The following TMCO5A variants were observed in gnomAD, a reference collection of about 807,000 sequenced individuals.
TMCO5A encodes the protein transmembrane and coiled-coil domains 5A.
In TMCO5A, 34 loss-of-function variants were observed where a neutral mutation model predicts 42.3. The ratio of observed to expected loss-of-function variants is 0.80; its 90% CI spans 0.61 to 1.07. The LOEUF is 1.07. Among genes scored for constraint, TMCO5A ranks in the 50% least tolerant of loss-of-function variants. The pLI is 0.00. For missense variants in TMCO5A, 357 were observed against 327.9 expected, an observed-to-expected ratio of 1.09 and a Z score of -0.69; for synonymous variants, 131 against 115.6, an observed-to-expected ratio of 1.13 and a Z score of -0.86.
chr15:38,022,255 GATGGCTTTCAGTAGGTAA>G, the TMCO5A span, among the ~76,000 whole-genome samples: 1 of 152,142 alleles, frequency 6.6e-6, no homozygotes, highest in South Asian at 2.1e-4. Context: ...AAGCAACCAA[GATGGCTTTCAGTAGGTAA>G]ATGGATAAAC....
At chr15:37,952,984 G>A (rs1238872531), downstream of TMCO5A, among the ~76,000 whole-genome samples, 4 of 152,186 alleles carry the variant, frequency 2.6e-5, no homozygotes, top group East Asian at 7.7e-4. Context: ...TCTGCTTTTG[G>A]AAAGGGGAGG....
the TMCO5A span, among the ~76,000 whole-genome samples, chr15:38,032,318 C>A: frequency 6.6e-6 from 1 of 152,176 alleles, no homozygotes; most frequent in African/African-American, 2.4e-5. Context: ...ATCTGCCCCA[C>A]CAGATCAGGT....
chr15:37,938,269 T>A, intron 6 of TMCO5A, 40 bp downstream of exon 6: 1 of 1,485,870 alleles, frequency 6.7e-7, no homozygotes, highest in Non-Finnish European at 9.1e-7. Context: ...TTGGGCTATG[T>A]AACCAGGAAA....
chr15:37,953,058 T>C (rs1401526241), downstream of TMCO5A, among the ~76,000 whole-genome samples: 1 of 152,122 alleles, frequency 6.6e-6, no homozygotes, highest in Non-Finnish European at 1.5e-5. Flanking sequence ...CAGTACAATA[T>C]CAGATGGACT....
chr15:37,995,845 C>A, the TMCO5A span, among the ~76,000 whole-genome samples: 200 of 141,054 alleles, frequency 1.4e-3, 1 homozygote, highest in African/African-American at 5.0e-3. Context: ...CAATCCCCTC[C>A]AAAAAAAAAA....
At chr15:38,037,268 G>T in the TMCO5A span, among the ~76,000 whole-genome samples, 1 of 152,156 alleles carries the variant, frequency 6.6e-6, no homozygotes, top group Non-Finnish European at 1.5e-5. Flanking sequence ...CTTAGAATCA[G>T]CTCTATGTTG....
At chr15:38,021,331 T>C in the TMCO5A span, among the ~76,000 whole-genome samples, 2 of 152,170 alleles carry the variant, frequency 1.3e-5, no homozygotes, top group African/African-American at 4.8e-5. Flanking sequence ...AAAAGAAGCT[T>C]ATTTTCATTT....
chr15:38,031,373 C>T, the TMCO5A span, among the ~76,000 whole-genome samples: 1,682 of 152,188 alleles, frequency 0.011, 18 homozygotes, highest in African/African-American at 0.032. Flanking sequence ...TTGTCCCTCC[C>T]GCATTGTATC....
chr15:37,961,566 T>G (rs531261431), intron 11 of TMCO5A, among the ~76,000 whole-genome samples: 1 of 144,154 alleles, frequency 6.9e-6, no homozygotes, highest in East Asian at 2.0e-4. Context: ...TTTTTTCTAT[T>G]TCTGTGAAGA....
the TMCO5A span, among the ~76,000 whole-genome samples, chr15:37,973,164 T>C: frequency 2.6e-5 from 4 of 151,110 alleles, no homozygotes; most frequent in Non-Finnish European, 5.9e-5. Flanking sequence ...TTCCTTTTTT[T>C]TTTTTGTACC....
At chr15:37,959,012 C>A (rs1890359366) in intron 11 of TMCO5A, among the ~76,000 whole-genome samples, 1 of 151,862 alleles carries the variant, frequency 6.6e-6, no homozygotes, top group African/African-American at 2.4e-5. Context: ...AGCAAACTAA[C>A]ACAGGAACAG....
the TMCO5A span, among the ~76,000 whole-genome samples, chr15:38,036,320 G>A: frequency 6.6e-6 from 1 of 152,058 alleles, no homozygotes; most frequent in South Asian, 2.1e-4. Flanking sequence ...ACTGCTACAT[G>A]TACTATCTCT....
Position 37,947,665 on chromosome 15 carries a change from A to T in TMCO5A, c.637A>T (p.Thr213Ser), listed in dbSNP as rs532160329. Residue 213 changes from threonine to serine, a missense_variant, in exon 11 of 12, where the codon ACC (threonine) becomes TCC (serine). Coordinates refer to ENST00000319669, the MANE Select transcript of TMCO5A (RefSeq NM_152453.4). ...TCCTTTCTTCTTCCAGGGTACTCCT[A>T]CCCAAAAGACAGCAAGATTATTCAG... ...HTSQNNEGTP[T>S]QKTARLFSKK... The T allele has an allele frequency of 1.2e-6, 2 of 1,600,354 alleles. No homozygotes were observed. Among genetic ancestry groups the T allele is most frequent in the Non-Finnish European group, 1.7e-6 (2 of 1,170,424 alleles).
At chr15:37,980,023 C>T in the TMCO5A span, among the ~76,000 whole-genome samples, 1 of 152,154 alleles carries the variant, frequency 6.6e-6, no homozygotes, top group Non-Finnish European at 1.5e-5. Context: ...TTGATTTGCT[C>T]CCTCCTGAGT....
In TMCO5A at chr15:37,946,353, T is replaced by C. The variant is rs191612117; in HGVS notation, c.628-1303T>C. Among the ~76,000 whole-genome samples, 303 of 152,264 alleles carry C rather than the reference T, an allele frequency of 2.0e-3. 2 individuals carry two copies. Among genetic ancestry groups the C allele is most frequent in the African/African-American group, 6.7e-3 (279 of 41,532 alleles). ...GTTGTCTTGGCTATTAGGGCTCTTT[T>C]TGGTTCCACATGAATTTTAAAATCA... On this transcript the variant is annotated intron_variant, in intron 10 of 11. Coordinates refer to ENST00000319669, the MANE Select transcript of TMCO5A (RefSeq NM_152453.4).
the TMCO5A span, among the ~76,000 whole-genome samples, chr15:38,029,382 C>T: frequency 6.6e-6 from 1 of 151,076 alleles, no homozygotes; most frequent in African/African-American, 2.5e-5. Context: ...CACACACACA[C>T]ACACACACAC....
intron 10 of TMCO5A, among the ~76,000 whole-genome samples, chr15:37,946,439 A>T (rs1889960730): frequency 6.6e-6 from 1 of 152,192 alleles, no homozygotes; most frequent in Non-Finnish European, 1.5e-5. Context: ...TTGAATCTAG[A>T]AATAACTTTG....
the TMCO5A span, among the ~76,000 whole-genome samples, chr15:37,978,594 G>A: frequency 6.6e-6 from 1 of 152,152 alleles, no homozygotes; most frequent in Non-Finnish European, 1.5e-5. Context: ...TAGTAAGGGT[G>A]GTACCACTGC....
the TMCO5A span, among the ~76,000 whole-genome samples, chr15:38,010,425 T>TCTCACA: frequency 3.1e-3 from 361 of 117,444 alleles, 2 homozygotes; most frequent in East Asian, 0.018. Context: ...CAGAGGGAGA[T>TCTCACA]CACACACACA....
Sources: allele counts gnomAD v4.1 joint callset (sites outside exome capture counted in the v4.1 genomes callset), GRCh38; gene constraint gnomAD v4.1.1; transcripts MANE v1.5; gene names NCBI Gene and HGNC (gene_info 2026-07-23, HGNC 2026-07-21).